TANK: variants seen among roughly 807,000 people sequenced by gnomAD.
TANK encodes the protein TRAF family member-associated NF-kappa-B activator.
Under a neutral mutation model 43.6 loss-of-function variants are expected in TANK, and 15 were observed. The ratio of observed to expected loss-of-function variants is 0.34; its 90% CI spans 0.23 to 0.53. TANK has a LOEUF of 0.53. TANK is among the 20% of genes least tolerant of loss of function. The pLI is 0.94. For missense variants in TANK, 417 were observed against 498.6 expected (o/e 0.84, Z 1.56); for synonymous variants, 162 against 178.2 (o/e 0.91, Z 0.73).
At chr2:161,198,122 A>G (rs988718928) in intron 2 of TANK, among the ~76,000 whole-genome samples, 1 of 152,214 alleles carries the variant, frequency 6.6e-6, no homozygotes, top group Admixed American at 6.5e-5. Flanking sequence ...CTATGAAATT[A>G]TACAGTTATA....
rs551809112 is a variant in TANK at position 161,207,641 on chromosome 2, C to G, written c.327+2848C>G. 7.1e-6 allele frequency: 7 copies of G among 985,314 alleles called. No homozygotes were observed. The South Asian group carries it at 2.3e-4, about 33-fold the overall frequency. 61.0% of individuals were successfully genotyped at this position (985,314 alleles called of 1,614,324 possible). ...AGGCCTATGTTAGAAAAAATACTGGCCCATCAAGCAATGGAAATTAAAATA... is the reference window on the plus strand; with the variant it reads ...AGGCCTATGTTAGAAAAAATACTGGGCCATCAAGCAATGGAAATTAAAATA... On this transcript the variant is annotated intron_variant, in intron 4 of 7. Coordinates refer to ENST00000392749, the MANE Select transcript of TANK (RefSeq NM_001199135.3).
intron 4 of TANK, among the ~76,000 whole-genome samples, chr2:161,206,756 G>A (rs757935634): frequency 3.3e-5 from 5 of 151,926 alleles, no homozygotes; most frequent in Non-Finnish European, 7.4e-5. Flanking sequence ...TTTTTTACTA[G>A]GCCTATTGTA....
At chr2:161,170,030 A>G (rs1361438925) in intron 1 of TANK, among the ~76,000 whole-genome samples, 1 of 152,196 alleles carries the variant, frequency 6.6e-6, no homozygotes, top group Non-Finnish European at 1.5e-5. Context: ...TTGCCATCCA[A>G]ACAGAAGACT....
intron 1 of TANK, among the ~76,000 whole-genome samples, chr2:161,150,719 C>T (rs553031829): frequency 4.0e-5 from 6 of 151,226 alleles, no homozygotes; most frequent in South Asian, 2.1e-4. Flanking sequence ...CCCAAATAGC[C>T]GGGATTACAG....
chr2:161,186,747 A>G lies in TANK; in HGVS notation c.99+6986A>G, dbSNP rs143151639. On this transcript the variant is annotated intron_variant, in intron 2 of 7. Coordinates refer to ENST00000392749, the MANE Select transcript of TANK (RefSeq NM_001199135.3). ...AATCAACAAAGTACAGAGACAACCT[A>G]CAGAATGGGAGAAAATATTTGCAAA... is the stretch of plus-strand genomic sequence containing the variant. Among the ~76,000 whole-genome samples, 1,493 of 152,346 alleles carry G rather than the reference A, an allele frequency of 9.8e-3. 13 individuals carry two copies. Among genetic ancestry groups the G allele is most frequent in the Non-Finnish European group, 0.015 (1,051 of 68,026 alleles).
chr2:161,160,237 C>CG (rs1279043293), upstream of TANK: 2 of 275,762 alleles, frequency 7.3e-6, no homozygotes, highest in Non-Finnish European at 1.2e-5. Context: ...TTCTAAGAGG[C>CG]GGGGACTTGG....
intron 2 of TANK, among the ~76,000 whole-genome samples, chr2:161,199,141 C>T (rs1686291125): frequency 6.6e-6 from 1 of 152,096 alleles, no homozygotes; most frequent in Non-Finnish European, 1.5e-5. Flanking sequence ...AACTGTAGAG[C>T]TTCCTATGGA....
intron 4 of TANK, among the ~76,000 whole-genome samples, chr2:161,211,454 T>A (rs1224011377): frequency 6.6e-6 from 1 of 152,208 alleles, no homozygotes; most frequent in African/African-American, 2.4e-5. Context: ...GTACCTGGTT[T>A]TATATTCATT....
At chr2:161,137,285 A>G (rs1683614174) in intron 1 of TANK, 10 of 976,076 alleles carry the variant, frequency 1.0e-5, no homozygotes, top group South Asian at 4.7e-5. Context: ...GCACTTTGGG[A>G]GGCCAAGGTA....
chr2:161,191,812 G>T (rs192228549), intron 2 of TANK, among the ~76,000 whole-genome samples: 1,572 of 150,986 alleles, frequency 0.01, 23 homozygotes, highest in African/African-American at 0.037. Context: ...TCTTTTTTTT[G>T]AGATGGAATC....
At chr2:161,195,750 G>T (rs1412209516) in intron 2 of TANK, among the ~76,000 whole-genome samples, 2 of 152,114 alleles carry the variant, frequency 1.3e-5, no homozygotes, top group African/African-American at 4.8e-5. Flanking sequence ...TAAGGATGTG[G>T]TAATAGATTT....
intron 2 of TANK, among the ~76,000 whole-genome samples, chr2:161,197,865 A>G (rs947144896): frequency 6.6e-6 from 1 of 152,148 alleles, no homozygotes; most frequent in Non-Finnish European, 1.5e-5. Context: ...TTTGGTGGGG[A>G]CACACATTCA....
At chr2:161,141,572 A>C (rs536760704) in intron 1 of TANK, among the ~76,000 whole-genome samples, 1 of 152,284 alleles carries the variant, frequency 6.6e-6, no homozygotes, top group East Asian at 1.9e-4. Context: ...TATGAGTTAG[A>C]ACATGCGATG....
intron 1 of TANK, chr2:161,161,224 C>T (rs1684418798): frequency 6.5e-7 from 1 of 1,542,130 alleles, no homozygotes; most frequent in Admixed American, 2.0e-5. Context: ...TATTGTTATG[C>T]TATAACGAGC....
intron 1 of TANK, among the ~76,000 whole-genome samples, chr2:161,146,081 A>C (rs1285766780): frequency 6.6e-6 from 1 of 152,078 alleles, no homozygotes; most frequent in Non-Finnish European, 1.5e-5. Context: ...ATGATCTTCA[A>C]ACTCTGATAT....
intron 6 of TANK, among the ~76,000 whole-genome samples, chr2:161,227,294 C>T (rs1036711461): frequency 2.0e-5 from 3 of 152,168 alleles, no homozygotes; most frequent in African/African-American, 2.4e-5. Flanking sequence ...GATTTCTCCT[C>T]GTTTTGTTCA....
chr2:161,140,027 TTTG>T, intron 1 of TANK: 1 of 709,234 alleles, frequency 1.4e-6, no homozygotes, highest in Non-Finnish European at 1.7e-6. Flanking sequence ...GGTTAGTATT[TTTG>T]TTTTTATATT....
intron 2 of TANK, among the ~76,000 whole-genome samples, chr2:161,190,493 T>G (rs1685866482): frequency 6.6e-6 from 1 of 152,206 alleles, no homozygotes; most frequent in Non-Finnish European, 1.5e-5. Context: ...CTCAATTGGA[T>G]ATTTGCACAT....
chr2:161,232,793 A>G lies in TANK; in HGVS notation c.1101+1242A>G, dbSNP rs1687984553. ...ATTGTACATTTGCTTTCTATACTAC[A>G]GCAAGGGAAACAGCTGGTATGTGAT... On this transcript the variant is annotated intron_variant, in intron 7 of 7. Transcript: ENST00000392749. The G allele has an allele frequency of 2.6e-6, 4 of 1,550,658 alleles. No individual in the cohort carries two copies. The South Asian group carries it at 3.6e-5, about 14-fold the overall frequency.
Sources: gnomAD v4.1 joint callset for allele counts (sites outside exome capture counted in the v4.1 genomes callset) on GRCh38, gnomAD v4.1.1 for gene constraint, MANE v1.5 for transcripts, NCBI Gene and HGNC (gene_info 2026-07-23, HGNC 2026-07-21) for gene names.